GALNT5: variants seen among roughly 807,000 people sequenced by gnomAD.
GALNT5 encodes polypeptide N-acetylgalactosaminyltransferase 5.
A neutral mutation model predicts 85.4 loss-of-function variants in GALNT5; 72 were observed. The observed-to-expected ratio is 0.84, with a 90% CI of 0.70 to 1.03. The LOEUF (loss-of-function observed/expected upper bound fraction) is 1.03, where lower values mean the gene tolerates loss of function less well. Among genes scored for constraint, GALNT5 ranks in the 50% least tolerant of loss-of-function variants. The pLI is 0.00. For missense variants in GALNT5, 1,137 were observed against 1,135.5 expected (o/e 1.00, Z -0.02); for synonymous variants, 404 against 397.0 (o/e 1.02, Z -0.21).
intron 1 of GALNT5, 50 bp from the exon 2 acceptor site, chr2:157,284,232 T>G (rs779903603): frequency 2.6e-6 from 4 of 1,528,118 alleles, no homozygotes; most frequent in Non-Finnish European, 3.6e-6. Flanking sequence ...AAAACTATCT[T>G]GTGGATCTCC....
chr2:157,305,937 A>G (rs1249532059), intron 8 of GALNT5, 108 bp downstream of exon 8: 2 of 664,174 alleles, frequency 3.0e-6, no homozygotes, highest in East Asian at 2.7e-5. Flanking sequence ...ATAATTTTCT[A>G]AATTTCTTTG....
intron 6 of GALNT5, 29 bp from the exon 7 acceptor site, chr2:157,300,647 A>G (rs768418741): frequency 1.3e-6 from 2 of 1,533,764 alleles, no homozygotes; most frequent in Non-Finnish European, 1.8e-6. Flanking sequence ...ATCATTTGAT[A>G]ATTGATGCTT....
At position 157,299,555 on chromosome 2, in the gene GALNT5, G is replaced by A; in HGVS notation, c.2005G>A (p.Val669Ile). ...IKETDTIRCPVMAGGLFSIDK... is the reference protein window; with the variant it reads ...IKETDTIRCPIMAGGLFSIDK... ...AAACTTTTCTTTTTGTAGGTGCCCT[G>A]TCATGGCTGGTGGATTGTTTTCTAT... Residue 669 changes from valine (V) to isoleucine (I), a missense_variant, in exon 6 of 10, where the codon GTC becomes ATC. Coordinates refer to ENST00000259056, the MANE Select transcript of GALNT5 (RefSeq NM_014568.3). 1.2e-6 allele frequency: 2 copies of A among 1,602,834 alleles called. No individual in the cohort carries two copies. The highest frequency in any genetic ancestry group is 2.2e-5 in the East Asian group (1 of 44,796).
rs1401939890 is a variant in GALNT5, at chr2:157,285,998, T to A, written c.1622-17T>A. 6.3e-7 allele frequency: 1 copy of A among 1,585,484 alleles called. No individual in the cohort carries two copies. Among genetic ancestry groups the A allele is most frequent in the Non-Finnish European group, 8.7e-7 (1 of 1,155,400 alleles). On this transcript the variant is annotated splice_polypyrimidine_tract_variant and intron_variant, in intron 2 of 9. Coordinates refer to ENST00000259056, the MANE Select transcript of GALNT5 (RefSeq NM_014568.3). ...CTTAATTCAAGTATTTCCTGGTTTA[T>A]CTTTACTCTGATGTAGACTATCTAA... is the stretch of plus-strand genomic sequence containing the variant.
At chr2:157,272,058 A>T (rs559307523) in intron 1 of GALNT5, among the ~76,000 whole-genome samples, 21 of 152,302 alleles carry the variant, frequency 1.4e-4, no homozygotes, top group African/African-American at 5.1e-4. Context: ...TAAAAAATAG[A>T]GAGTGGCCAA....
Position 157,315,572 on chromosome 2 carries a change from C to G in GALNT5, c.*4224C>G, listed in dbSNP as rs1004431711. ...ATGTTGTATAAACAGAAAAAAGAAG[C>G]ATGGTCTCTCTCTCTCTGTGGTAAC... On this transcript the variant is annotated 3_prime_UTR_variant, in exon 10 of 10. Transcript: ENST00000259056. Among the ~76,000 whole-genome samples the G allele has an allele frequency of 6.6e-6, 1 of 152,120 alleles. No homozygotes were observed. The highest frequency in any genetic ancestry group is 2.4e-5 in the African/African-American group (1 of 41,436).
At chr2:157,268,831 T>G (rs1682516702) in intron 1 of GALNT5, among the ~76,000 whole-genome samples, 1 of 152,166 alleles carries the variant, frequency 6.6e-6, no homozygotes, top group Non-Finnish European at 1.5e-5. Context: ...AAGTATAGCA[T>G]GGGACCAGTA....
At chr2:157,310,813 C>T (rs931976542) in intron 9 of GALNT5, among the ~76,000 whole-genome samples, 1 of 152,096 alleles carries the variant, frequency 6.6e-6, no homozygotes, top group Non-Finnish European at 1.5e-5. Context: ...CTCACAAAGA[C>T]ACCTACTTTA....
Position 157,292,639 on chromosome 2 carries a change from G to C in GALNT5, c.1742-3024G>C, listed in dbSNP as rs550854544. Among the ~76,000 whole-genome samples, 12 of 152,250 alleles carry C rather than the reference G, an allele frequency of 7.9e-5. No homozygotes were observed. The South Asian group carries it at 2.5e-3, about 32-fold the overall frequency. On this transcript the variant is annotated intron_variant, in intron 3 of 9. Coordinates refer to ENST00000259056, the MANE Select transcript of GALNT5 (RefSeq NM_014568.3). ...CTTCATAAGGCTGCTATGGGGATAG[G>C]GACAGGTGGCGTAGTAAAGAATGCT...
chr2:157,310,010 A>G (rs1250954684), intron 9 of GALNT5, among the ~76,000 whole-genome samples: 1 of 152,146 alleles, frequency 6.6e-6, no homozygotes, highest in Non-Finnish European at 1.5e-5. Flanking sequence ...AAGGAGAGAG[A>G]GAGAGAGTGA....
rs1036609637 is a variant in GALNT5 at position 157,263,311 on chromosome 2, A to G, written c.1454+3775A>G. Among the ~76,000 whole-genome samples the G allele has an allele frequency of 3.9e-5, 6 of 152,088 alleles. No individual in the cohort carries two copies. The East Asian group carries it at 9.6e-4, about 24-fold the overall frequency. On this transcript the variant is annotated intron_variant, in intron 1 of 9. Transcript: ENST00000259056. The stretch of plus-strand genomic sequence containing the variant: ...CTCTTTGCTCTTCTCCACCCTTTAC[A>G]GTTGTAACCATCCACTGAGGTTTTC...
intron 2 of GALNT5, 44 bp from the exon 3 acceptor site, chr2:157,285,967 GACTT>G (rs2105144663): frequency 6.8e-7 from 1 of 1,466,096 alleles, no homozygotes. Flanking sequence ...ATACTATCCG[GACTT>G]ACTTAATTCA....
intron 3 of GALNT5, among the ~76,000 whole-genome samples, chr2:157,290,181 TAATA>T (rs1173148834): frequency 1.3e-5 from 2 of 150,656 alleles, no homozygotes; most frequent in African/African-American, 4.9e-5. Flanking sequence ...AGTAAATAAA[TAATA>T]AATTTATAAA....
chr2:157,274,022 T>C (rs931209608), intron 1 of GALNT5, among the ~76,000 whole-genome samples: 3 of 152,030 alleles, frequency 2.0e-5, no homozygotes, highest in African/African-American at 7.2e-5. Flanking sequence ...CCCCACCTTG[T>C]GTCCAAGTGT....
intron 8 of GALNT5, among the ~76,000 whole-genome samples, chr2:157,307,802 G>A (rs6752899): frequency 0.82 from 124,081 of 152,154 alleles, 51,949 homozygotes; most frequent in South Asian, 0.92. Flanking sequence ...AGTACAAAAC[G>A]ATAAATTTCC....
chr2:157,296,395 T>C lies in GALNT5; in HGVS notation c.1879T>C (p.Tyr627His). 1 of 1,608,286 alleles carries C rather than the reference T, an allele frequency of 6.2e-7. No individual in the cohort carries two copies. Among genetic ancestry groups the C allele is most frequent in the Non-Finnish European group, 8.5e-7 (1 of 1,174,948 alleles). Residue 627 changes from tyrosine to histidine, a missense_variant and splice_region_variant, in exon 5 of 10, where the codon TAC becomes CAC. Coordinates refer to ENST00000259056, the MANE Select transcript of GALNT5 (RefSeq NM_014568.3). ...IEVINDKDMS[Y>H]MTVDNFQRGI... is the part of the protein sequence containing the mutation. The stretch of plus-strand genomic sequence containing the variant: ...TTTGTTTTTCATTTCCTGGATTAGT[T>C]ACATGACAGTGGATAACTTTCAAAG...
intron 1 of GALNT5, among the ~76,000 whole-genome samples, chr2:157,280,277 A>C (rs779290846): frequency 2.6e-5 from 4 of 152,228 alleles, no homozygotes; most frequent in Non-Finnish European, 4.4e-5. Context: ...ATTTACCCTG[A>C]ATTACCCAGA....
chr2:157,274,127 A>G (rs1682663972), intron 1 of GALNT5, among the ~76,000 whole-genome samples: 1 of 152,108 alleles, frequency 6.6e-6, no homozygotes, highest in Non-Finnish European at 1.5e-5. Flanking sequence ...TTTCAGCTTC[A>G]TCCATGTACC....
At chr2:157,298,954 AAG>A (rs1447967011) in intron 5 of GALNT5, 1 of 152,142 alleles carries the variant, frequency 6.6e-6, no homozygotes, top group African/African-American at 2.4e-5. Flanking sequence ...GGAAGACCGG[AAG>A]ACCGGAAGAC....
Sources: allele counts gnomAD v4.1 joint callset (sites outside exome capture counted in the v4.1 genomes callset), GRCh38; gene constraint gnomAD v4.1.1; transcripts MANE v1.5; gene names NCBI Gene and HGNC (gene_info 2026-07-23, HGNC 2026-07-21).